Variants in NCOA2 observed in about 807,000 individuals in gnomAD.
NCOA2 encodes the protein class E basic helix-loop-helix protein 75.
Under a neutral mutation model 145.1 loss-of-function variants are expected in NCOA2, and 21 were observed. That is an observed-to-expected ratio of 0.14 (90% CI 0.10 to 0.21). The LOEUF is 0.21. Ranked by LOEUF, NCOA2 falls within the 10% of genes least tolerant of loss-of-function variation. NCOA2 has a pLI of 1.00. For synonymous variants in NCOA2, 619 were observed against 637.5 expected (o/e 0.97, Z 0.44); for missense variants, 1,472 against 1,837.6 (o/e 0.80, Z 3.64).
chr8:70,429,065 T>C, the NCOA2 span, among the ~76,000 whole-genome samples: 3 of 152,218 alleles, frequency 2.0e-5, no homozygotes, highest in Non-Finnish European at 4.4e-5. Flanking sequence ...AATTTTTCAT[T>C]ATTCTGCCTC....
intron 1 of NCOA2, among the ~76,000 whole-genome samples, chr8:70,365,932 C>A (rs1810649691): frequency 6.6e-6 from 1 of 152,176 alleles, no homozygotes; most frequent in Non-Finnish European, 1.5e-5. Flanking sequence ...GCCCAACAAA[C>A]ACCTTCATTT....
rs1041223249 is a variant in NCOA2 at position 70,349,590 on chromosome 8, C to T, written c.-76-52790G>A. On this transcript the variant is annotated intron_variant, in intron 1 of 22. Transcript: ENST00000452400. Reference sequence around the variant, plus strand: ...AAAAAGTATTGATAACCCCACTATACATTTTGAGTGGTCTCCAGTCACAAC... The same window carrying T: ...AAAAAGTATTGATAACCCCACTATATATTTTGAGTGGTCTCCAGTCACAAC... Among the ~76,000 whole-genome samples, 8 of 152,044 alleles carry T rather than the reference C, an allele frequency of 5.3e-5. No homozygotes were observed. The South Asian group carries it at 8.3e-4, about 16-fold the overall frequency.
At chr8:70,397,672 C>T (rs1229941594) in intron 1 of NCOA2, among the ~76,000 whole-genome samples, 1 of 152,118 alleles carries the variant, frequency 6.6e-6, no homozygotes. Context: ...TTACCATACA[C>T]CACACAGGAC....
intron 5 of NCOA2, 98 bp downstream of exon 5, chr8:70,174,654 CTAGT>C: frequency 9.2e-7 from 1 of 1,084,604 alleles, no homozygotes; most frequent in Non-Finnish European, 1.4e-6. Context: ...AGTACTAGTA[CTAGT>C]GTGGATTCTC....
chr8:70,273,460 G>A, intron 2 of NCOA2: 1 of 630,200 alleles, frequency 1.6e-6, no homozygotes, highest in Non-Finnish European at 2.7e-6. Context: ...GAAAGAAGGT[G>A]GTTCACAGAA....
At chr8:70,329,598 C>T (rs1489988449) in intron 1 of NCOA2, among the ~76,000 whole-genome samples, 1 of 151,742 alleles carries the variant, frequency 6.6e-6, no homozygotes, top group Non-Finnish European at 1.5e-5. Context: ...CTCATGTCCA[C>T]AAAAAACACA....
At position 70,126,694 on chromosome 8, in the gene NCOA2, G is replaced by A. The variant is rs982716736; in HGVS notation, c.3916+119C>T. On this transcript the variant is annotated intron_variant, in intron 19 of 22. Transcript: ENST00000452400. ...CTCCCAGGTTTCCTATCATTCCCTG[G>A]TTAGCCAGATTCATCTGGGAGCCAT... 73 of 889,050 alleles carry A rather than the reference G, an allele frequency of 8.2e-5. No individual in the cohort carries two copies. The African/African-American group carries it at 1.0e-3, about 13-fold the overall frequency. 55.1% of individuals were successfully genotyped at this position (889,050 alleles called of 1,614,324 possible).
At chr8:70,148,637 T>C (rs1467515676) in intron 11 of NCOA2, among the ~76,000 whole-genome samples, 154 bp from the exon 12 acceptor site, 1 of 152,198 alleles carries the variant, frequency 6.6e-6, no homozygotes, top group Non-Finnish European at 1.5e-5. Flanking sequence ...TAATTGATCA[T>C]CTTTTAAAAA....
At chr8:70,296,838 T>C (rs1827123777) in intron 1 of NCOA2, 38 bp from the exon 2 acceptor site, 1 of 152,210 alleles carries the variant, frequency 6.6e-6, no homozygotes, top group South Asian at 2.1e-4. Context: ...GAATAAAATC[T>C]GCAGAATCCT....
chr8:70,155,191 G>A lies in NCOA2; in HGVS notation c.2394+780C>T, dbSNP rs144028723. On this transcript the variant is annotated intron_variant, in intron 11 of 22. Transcript: ENST00000452400. ...TGAATTTACATACCATGGCTCAGAC[G>A]TACTAATATCAGTTCAATCTTTCTT... 3.9e-3 allele frequency among the ~76,000 whole-genome samples: 600 copies of A among 152,246 alleles called. 4 individuals carry two copies. The highest frequency in any genetic ancestry group is 0.014 in the African/African-American group (575 of 41,554).
At chr8:70,285,952 C>A (rs1826202082) in intron 2 of NCOA2, among the ~76,000 whole-genome samples, 2 of 152,106 alleles carry the variant, frequency 1.3e-5, no homozygotes, top group African/African-American at 4.8e-5. Flanking sequence ...TGATTTAATT[C>A]ATCTCTCTAT....
intron 3 of NCOA2, among the ~76,000 whole-genome samples, chr8:70,214,638 C>T (rs539932552): frequency 1.2e-4 from 19 of 152,090 alleles, no homozygotes; most frequent in East Asian, 1.2e-3. Flanking sequence ...GAAACAAAAG[C>T]GAAACTGACC....
chr8:70,441,110 GAA>G, the NCOA2 span, among the ~76,000 whole-genome samples: 4 of 70,350 alleles, frequency 5.7e-5, no homozygotes, highest in Admixed American at 1.9e-4. Flanking sequence ...AGAAGAGAGA[GAA>G]AGAAAGAAAG....
chr8:70,156,382 C>T lies in NCOA2; in HGVS notation c.1983G>A (p.Leu661=). 6.2e-7 allele frequency: 1 copy of T among 1,613,972 alleles called. No individual in the cohort carries two copies. Among genetic ancestry groups the T allele is most frequent in the Non-Finnish European group, 8.5e-7 (1 of 1,179,894 alleles). Residue 661 remains leucine (L), a synonymous_variant, in exon 11 of 23, where the codon TTG becomes TTA. Transcript: ENST00000452400. ...QMEPSPLASS[L]SDTNKDSTGS... is the part of the protein sequence containing the mutation. ...CTGTGGAGTCTTTGTTTGTATCCGA[C>T]AAAGAGCTGGCTAAGGGCGAGGGCT... is the stretch of plus-strand genomic sequence containing the variant.
chr8:70,421,382 T>C, the NCOA2 span, among the ~76,000 whole-genome samples: 1 of 151,806 alleles, frequency 6.6e-6, no homozygotes, highest in Non-Finnish European at 1.5e-5. Flanking sequence ...GAGACCCCCA[T>C]CTCTACAAGA....
intron 1 of NCOA2, among the ~76,000 whole-genome samples, chr8:70,381,785 A>T (rs542922720): frequency 2.9e-4 from 44 of 152,328 alleles, no homozygotes; most frequent in Non-Finnish European, 4.9e-4. Context: ...TGAAGCTCTC[A>T]TGTAAAATCT....
At chr8:70,173,114 G>T (rs1814435669) in intron 5 of NCOA2, among the ~76,000 whole-genome samples, 1 of 152,198 alleles carries the variant, frequency 6.6e-6, no homozygotes, top group African/African-American at 2.4e-5. Flanking sequence ...ACAGGTTCTT[G>T]ATCAATGCAC....
In NCOA2 at chr8:70,113,597, C is replaced by T; in HGVS notation, c.*35G>A. On this transcript the variant is annotated 3_prime_UTR_variant, in exon 23 of 23. Transcript: ENST00000452400. ...CTGGAAGTGTTTTGAGCAAGTGAGC[C>T]CGGTCAGCTGAAGAAGCAACTGGCT... is the stretch of plus-strand genomic sequence containing the variant. 8 of 1,551,134 alleles carry T rather than the reference C, an allele frequency of 5.2e-6. No homozygotes were observed. The highest frequency in any genetic ancestry group is 6.1e-6 in the Non-Finnish European group (7 of 1,146,440).
chr8:70,312,839 T>G (rs1390151233), intron 1 of NCOA2, among the ~76,000 whole-genome samples: 1 of 152,194 alleles, frequency 6.6e-6, no homozygotes, highest in African/African-American at 2.4e-5. Flanking sequence ...AATCTTAAAG[T>G]GTACTCTCGT....
Sources: gnomAD v4.1 joint callset for allele counts (sites outside exome capture counted in the v4.1 genomes callset) on GRCh38, gnomAD v4.1.1 for gene constraint, MANE v1.5 for transcripts, NCBI Gene and HGNC (gene_info 2026-07-23, HGNC 2026-07-21) for gene names.